The following UMAD1 variants were observed in gnomAD, a reference collection of about 807,000 sequenced individuals.
UMAD1 encodes the protein UBAP1-MVB12-associated (UMA) domain containing 1, also known as UBAP1-MVB12-associated (UMA)-domain containing protein 1.
UMAD1 carries 8 observed loss-of-function variants against 6.1 expected under a neutral mutation model. That is an observed-to-expected ratio of 1.30 (90% CI 0.76 to 2.35). The LOEUF (loss-of-function observed/expected upper bound fraction) is 2.35. Ranked by LOEUF, UMAD1 falls within the 30% of genes most tolerant of loss-of-function variation. The pLI is 0.00. For synonymous variants in UMAD1, 56 were observed against 31.4 expected, an observed-to-expected ratio of 1.78 and a Z score of -2.61; for missense variants, 130 against 78.4, an observed-to-expected ratio of 1.66 and a Z score of -2.49.
chr7:7,872,014 C>T (rs1784341255), intron 3 of UMAD1, among the ~76,000 whole-genome samples: 1 of 151,808 alleles, frequency 6.6e-6, no homozygotes, highest in Non-Finnish European at 1.5e-5. Context: ...TCCGCAGTTC[C>T]ATGCAGACCT....
At chr7:7,806,969 A>C (rs1469542270) in intron 3 of UMAD1, among the ~76,000 whole-genome samples, 1 of 152,188 alleles carries the variant, frequency 6.6e-6, no homozygotes, top group Admixed American at 6.5e-5. Context: ...AGTATACCGA[A>C]AGAGGTTTCT....
At chr7:7,767,929 T>C (rs1194197220) in intron 2 of UMAD1, among the ~76,000 whole-genome samples, 1 of 152,212 alleles carries the variant, frequency 6.6e-6, no homozygotes, top group East Asian at 1.9e-4. Context: ...GAATTAGCTG[T>C]CTTTCAGATA....
At position 7,800,781 on chromosome 7, in the gene UMAD1, A is replaced by T. The variant is rs115694579; in HGVS notation, c.83-889A>T. Among the ~76,000 whole-genome samples the T allele has an allele frequency of 2.9e-3, 437 of 152,306 alleles. 2 individuals are homozygous for T. The highest frequency in any genetic ancestry group is 0.01 in the African/African-American group (422 of 41,564). Reference sequence around the variant, plus strand: ...ACTTTATCTCCAGTCAAGACTCATGACTTTTCCTTACATTAACAAATTTCT... The same window carrying T: ...ACTTTATCTCCAGTCAAGACTCATGTCTTTTCCTTACATTAACAAATTTCT... On this transcript the variant is annotated intron_variant, in intron 2 of 3. Transcript: ENST00000682710.
intron 2 of UMAD1, among the ~76,000 whole-genome samples, chr7:7,796,566 A>G (rs1373812037): frequency 6.6e-6 from 1 of 151,944 alleles, no homozygotes; most frequent in Admixed American, 6.6e-5. Context: ...ATTTCTTTGT[A>G]ACCAAAATTT....
At chr7:7,860,737 T>C (rs1164020330) in intron 3 of UMAD1, among the ~76,000 whole-genome samples, 1 of 147,702 alleles carries the variant, frequency 6.8e-6, no homozygotes, top group Non-Finnish European at 1.5e-5. Flanking sequence ...ATTGCACCAC[T>C]GCACTCCAGC....
chr7:7,829,796 G>A (rs1465879749), intron 3 of UMAD1, among the ~76,000 whole-genome samples: 3 of 152,122 alleles, frequency 2.0e-5, no homozygotes, highest in Non-Finnish European at 4.4e-5. Flanking sequence ...TGTAGTATCA[G>A]CTTCTGGATC....
intron 2 of UMAD1, among the ~76,000 whole-genome samples, chr7:7,694,614 C>A (rs1296630829): frequency 6.6e-6 from 1 of 151,878 alleles, no homozygotes; most frequent in Non-Finnish European, 1.5e-5. Context: ...TTTTTAGTTC[C>A]CACAAATGAG....
rs975970623 is a variant in UMAD1 at position 7,873,190 on chromosome 7, G to A, written c.157-4091G>A. Among the ~76,000 whole-genome samples the A allele has an allele frequency of 5.3e-5, 8 of 152,238 alleles. 1 individual carries two copies. The highest frequency in any genetic ancestry group is 1.7e-4 in the African/African-American group (7 of 41,530). ...GGAGAAGTTAAATATTTTGCCCAAGGCCATTTGCTTATTAATAAACAAGAG... is the reference window on the plus strand; with the variant it reads ...GGAGAAGTTAAATATTTTGCCCAAGACCATTTGCTTATTAATAAACAAGAG... On this transcript the variant is annotated intron_variant, in intron 3 of 3. Transcript: ENST00000682710.
chr7:7,654,450 A>T (rs774807426), intron 1 of UMAD1, among the ~76,000 whole-genome samples: 2 of 152,236 alleles, frequency 1.3e-5, no homozygotes, highest in Non-Finnish European at 1.5e-5. Flanking sequence ...CGGTATCCCT[A>T]GGGGATTGGT....
chr7:7,647,066 A>G (rs78490215), intron 1 of UMAD1, among the ~76,000 whole-genome samples: 5,647 of 152,250 alleles, frequency 0.037, 360 homozygotes, highest in African/African-American at 0.13. Context: ...TTATTCTCCA[A>G]GATTGTACAT....
intron 1 of UMAD1, among the ~76,000 whole-genome samples, chr7:7,649,777 A>G (rs1346669253): frequency 6.6e-6 from 1 of 151,962 alleles, no homozygotes; most frequent in Non-Finnish European, 1.5e-5. Context: ...TGAAATCCTA[A>G]CCCCTAAGGT....
intron 2 of UMAD1, among the ~76,000 whole-genome samples, chr7:7,768,838 G>A (rs1782045672): frequency 6.6e-6 from 1 of 152,140 alleles, no homozygotes; most frequent in Non-Finnish European, 1.5e-5. Context: ...TCCCCAGACA[G>A]TAAGCGTCTT....
intron 2 of UMAD1, among the ~76,000 whole-genome samples, chr7:7,744,593 G>GTTTTTTT (rs377391555): frequency 4.4e-5 from 6 of 135,874 alleles, no homozygotes; most frequent in Non-Finnish European, 6.3e-5. Flanking sequence ...AATTGTTACT[G>GTTTTTTT]TTTTTTTTTT....
At chr7:7,778,403 T>G (rs1045691845) in intron 2 of UMAD1, among the ~76,000 whole-genome samples, 3 of 152,058 alleles carry the variant, frequency 2.0e-5, no homozygotes, top group African/African-American at 7.2e-5. Flanking sequence ...TTCTGTAGAT[T>G]TAAAGTTTTT....
intron 1 of UMAD1, among the ~76,000 whole-genome samples, chr7:7,643,407 C>G (rs1452116839): frequency 6.6e-6 from 1 of 152,178 alleles, no homozygotes; most frequent in African/African-American, 2.4e-5. Context: ...AATAGACAAG[C>G]TTGTAAAAGT....
At chr7:7,717,366 T>C (rs1174196684) in intron 2 of UMAD1, among the ~76,000 whole-genome samples, 1 of 152,154 alleles carries the variant, frequency 6.6e-6, no homozygotes, top group Non-Finnish European at 1.5e-5. Context: ...CTCCTGTTTC[T>C]TTCATCTATT....
At chr7:7,744,467 C>T (rs191641068) in intron 2 of UMAD1, among the ~76,000 whole-genome samples, 1 of 152,166 alleles carries the variant, frequency 6.6e-6, no homozygotes, top group East Asian at 1.9e-4. Flanking sequence ...ATATGGCAGT[C>T]CTATGTTTAA....
At chr7:7,680,831 C>G (rs1779890683) in intron 2 of UMAD1, among the ~76,000 whole-genome samples, 1 of 150,736 alleles carries the variant, frequency 6.6e-6, no homozygotes, top group African/African-American at 2.4e-5. Flanking sequence ...TTCTTGGTTT[C>G]TTTTTCAAAT....
intron 2 of UMAD1, among the ~76,000 whole-genome samples, chr7:7,781,748 C>A (rs6958812): frequency 6.6e-6 from 1 of 151,940 alleles, no homozygotes; most frequent in African/African-American, 2.4e-5. Flanking sequence ...TTTTAGCAAG[C>A]TCTTATTAAT....
Sources: gnomAD v4.1 joint callset for allele counts (sites outside exome capture counted in the v4.1 genomes callset) on GRCh38, gnomAD v4.1.1 for gene constraint, MANE v1.5 for transcripts, NCBI Gene and HGNC (gene_info 2026-07-23, HGNC 2026-07-21) for gene names.